The following TEX11 variants were observed in gnomAD, a reference collection of about 807,000 sequenced individuals.
The protein encoded by TEX11 is testis-expressed protein 11.
A neutral mutation model predicts 84.4 loss-of-function variants in TEX11; 7 were observed. That is an observed-to-expected ratio of 0.08 (90% CI 0.05 to 0.16). The LOEUF (loss-of-function observed/expected upper bound fraction) is 0.16. TEX11 is among the 10% of genes least tolerant of loss of function. The pLI, the probability that TEX11 is intolerant of heterozygous loss-of-function variation, is 1.00. For missense variants in TEX11, 551 were observed against 660.5 expected (o/e 0.83, Z 1.82); for synonymous variants, 264 against 222.8 (o/e 1.18, Z -1.64).
rs1004072001 is a variant in TEX11, at chrX:70,792,690, G to A, written c.692+14015C>T. Among the ~76,000 whole-genome samples, 7 of 109,316 alleles carry A rather than the reference G, an allele frequency of 6.4e-5. No individual in the cohort carries two copies. The South Asian group carries it at 1.2e-3, about 19-fold the overall frequency. 94.9% of individuals were successfully genotyped at this position (109,316 alleles called of 115,157 possible). A position where few individuals can be genotyped will look rare whatever the true frequency, so the allele number is the denominator to read the frequency against. On this transcript the variant is annotated intron_variant, in intron 9 of 29. Coordinates refer to ENST00000374333, the MANE Select transcript of TEX11 (RefSeq NM_031276.3). The stretch of plus-strand genomic sequence containing the variant: ...AAAATAGAGAAAGAAGATCAACAAC[G>A]ACAAAAACAACAATGACAACAAAGC...
At chrX:70,641,848 A>G (rs1172970527) in intron 17 of TEX11, among the ~76,000 whole-genome samples, 3 of 111,345 alleles carry the variant, frequency 2.7e-5, no homozygotes, top group Non-Finnish European at 5.7e-5. Flanking sequence ...CTAACATCAC[A>G]GTTAAAAGAA....
chrX:70,806,372 C>T (rs1217835340), intron 9 of TEX11, among the ~76,000 whole-genome samples: 1 of 109,715 alleles, frequency 9.1e-6, no homozygotes, highest in Non-Finnish European at 1.9e-5. Context: ...CAGAGGATCG[C>T]TTGAGCCCAG....
intron 7 of TEX11, among the ~76,000 whole-genome samples, chrX:70,842,612 G>C (rs1482161992): frequency 1.8e-5 from 2 of 111,618 alleles, no homozygotes; most frequent in African/African-American, 6.5e-5. Context: ...ATTCAACATA[G>C]TGTTGGAAGT....
At chrX:70,756,527 G>T (rs1258634543) in intron 9 of TEX11, among the ~76,000 whole-genome samples, 2 of 111,975 alleles carry the variant, frequency 1.8e-5, no homozygotes, top group Non-Finnish European at 3.8e-5. Context: ...GCAGCTGAGG[G>T]GCTCGACTGT....
chrX:70,562,615 A>G (rs1201753082), intron 25 of TEX11, among the ~76,000 whole-genome samples: 4 of 111,981 alleles, frequency 3.6e-5, no homozygotes, highest in Non-Finnish European at 7.5e-5. Context: ...ATAGAGTCAG[A>G]TTCATTTGTC....
intron 9 of TEX11, among the ~76,000 whole-genome samples, chrX:70,803,785 A>C: frequency 9.0e-6 from 1 of 111,500 alleles, no homozygotes; most frequent in East Asian, 2.8e-4. Context: ...GCAGCTATTC[A>C]TCTCTGCTTG....
In TEX11 at chrX:70,570,495, G is replaced by C. The variant is rs4844131; in HGVS notation, c.2141-15695C>G. Among the ~76,000 whole-genome samples, 14 of 112,286 alleles carry C rather than the reference G, an allele frequency of 1.2e-4. No individual in the cohort carries two copies. The Admixed American group carries it at 1.3e-3, about 11-fold the overall frequency. ...GAAATGCAGAAATCACCCGTCTTCT[G>C]CGTCGCTCACGCTGGGAGCTGTAGA... On this transcript the variant is annotated intron_variant, in intron 25 of 29. Transcript: ENST00000374333.
At chrX:70,806,630 G>T in intron 9 of TEX11, 75 bp downstream of exon 9, 1 of 702,164 alleles carries the variant, frequency 1.4e-6, no homozygotes, top group Non-Finnish European at 2.2e-6. Context: ...AACTGCCAAA[G>T]TACTCTACAG....
intron 25 of TEX11, among the ~76,000 whole-genome samples, chrX:70,563,574 G>C (rs2088406903): frequency 8.9e-6 from 1 of 111,886 alleles, no homozygotes; most frequent in African/African-American, 3.3e-5. Context: ...TGGAAGTGGT[G>C]ATAGTGTATA....
chrX:70,698,804 G>A (rs1037843067), intron 13 of TEX11, among the ~76,000 whole-genome samples: 1 of 111,560 alleles, frequency 9.0e-6, no homozygotes, highest in Non-Finnish European at 1.9e-5. Context: ...AATCAGCACA[G>A]TAGTGAAAAT....
chrX:70,889,598 C>T (rs751547984), intron 2 of TEX11, among the ~76,000 whole-genome samples: 1 of 110,845 alleles, frequency 9.0e-6, no homozygotes, highest in East Asian at 2.8e-4. Flanking sequence ...AGAAATAGTA[C>T]AATAAGATAT....
intron 17 of TEX11, among the ~76,000 whole-genome samples, chrX:70,631,170 C>T (rs1180149913): frequency 8.9e-6 from 1 of 111,829 alleles, no homozygotes; most frequent in Non-Finnish European, 1.9e-5. Flanking sequence ...ATAACACATT[C>T]AACCCAACAC....
At chrX:70,512,343 C>G in the TEX11 span, among the ~76,000 whole-genome samples, 1 of 107,916 alleles carries the variant, frequency 9.3e-6, no homozygotes, top group Non-Finnish European at 1.9e-5. Context: ...CTCAGCCTCC[C>G]GAATAGCTGG....
chrX:70,608,092 T>C (rs895632698), intron 22 of TEX11, among the ~76,000 whole-genome samples: 9 of 111,977 alleles, frequency 8.0e-5, no homozygotes, highest in African/African-American at 2.9e-4. Flanking sequence ...AAATCATTTT[T>C]ATTGAAATAG....
intron 8 of TEX11, among the ~76,000 whole-genome samples, chrX:70,820,482 T>C (rs2091312878): frequency 8.9e-6 from 1 of 112,284 alleles, no homozygotes; most frequent in Non-Finnish European, 1.9e-5. Context: ...AAGTAATTTA[T>C]AAAGAAAAGA....
intron 2 of TEX11, among the ~76,000 whole-genome samples, chrX:70,894,386 G>A (rs1437709791): frequency 9.0e-6 from 1 of 110,529 alleles, no homozygotes; most frequent in African/African-American, 3.3e-5. Context: ...CCAGCACTTT[G>A]GGAGGCCAAG....
At chrX:70,738,341 T>C (rs1376070516) in intron 11 of TEX11, among the ~76,000 whole-genome samples, 2 of 111,524 alleles carry the variant, frequency 1.8e-5, no homozygotes, top group Non-Finnish European at 3.8e-5. Context: ...CCAACAAACA[T>C]GAAAAAAAGC....
intron 9 of TEX11, among the ~76,000 whole-genome samples, chrX:70,749,869 G>T (rs373897001): frequency 2.7e-5 from 3 of 110,585 alleles, no homozygotes; most frequent in Non-Finnish European, 3.8e-5. Context: ...TCAAGGATAT[G>T]GGTCTAAAAT....
At position 70,785,338 on chromosome X, in the gene TEX11, A is replaced by T. The variant is rs146505688; in HGVS notation, c.692+21367T>A. On this transcript the variant is annotated intron_variant, in intron 9 of 29. Coordinates refer to ENST00000374333, the MANE Select transcript of TEX11 (RefSeq NM_031276.3). ...ACAAAAATTAATTCAAGATGGATTA[A>T]ATGTTAGACCTGAAACCATAAAAAA... Among the ~76,000 whole-genome samples the T allele has an allele frequency of 9.8e-5, 11 of 112,181 alleles. No individual in the cohort carries two copies. The East Asian group carries it at 2.8e-3, about 28-fold the overall frequency.
Sources: gnomAD v4.1 joint callset for allele counts (sites outside exome capture counted in the v4.1 genomes callset) on GRCh38, gnomAD v4.1.1 for gene constraint, MANE v1.5 for transcripts, NCBI Gene and HGNC (gene_info 2026-07-23, HGNC 2026-07-21) for gene names.